DLGAP1: variants seen among roughly 807,000 people sequenced by gnomAD.
The protein encoded by DLGAP1 is DLG associated protein 1.
In DLGAP1, 11 loss-of-function variants were observed where a neutral mutation model predicts 90.8. That is an observed-to-expected ratio of 0.12 (90% confidence interval 0.08 to 0.20). The LOEUF (loss-of-function observed/expected upper bound fraction) is 0.20. Ranked by LOEUF, DLGAP1 falls within the 10% of genes least tolerant of loss-of-function variation. The pLI, the probability that DLGAP1 is intolerant of heterozygous loss-of-function variation, is 1.00. For synonymous variants in DLGAP1, 558 were observed against 540.7 expected, an observed-to-expected ratio of 1.03 and a Z score of -0.44; for missense variants, 1,050 against 1,333.8, an observed-to-expected ratio of 0.79 and a Z score of 3.31.
At chr18:4,171,317 C>A (rs958654815) in intron 1 of DLGAP1, among the ~76,000 whole-genome samples, 2 of 151,996 alleles carry the variant, frequency 1.3e-5, no homozygotes, top group African/African-American at 4.8e-5. Context: ...AGGCAGATCA[C>A]GAGGTCAGGA....
chr18:4,369,999 G>A (rs757174693), intron 1 of DLGAP1, among the ~76,000 whole-genome samples: 7 of 152,052 alleles, frequency 4.6e-5, no homozygotes, highest in Non-Finnish European at 1.0e-4. Flanking sequence ...AGAAGGAGAA[G>A]CAGGGAGCAA....
chr18:3,888,469 C>T (rs748479904), intron 3 of DLGAP1, among the ~76,000 whole-genome samples: 1 of 151,840 alleles, frequency 6.6e-6, no homozygotes, highest in African/African-American at 2.4e-5. Flanking sequence ...AGTTTGATTT[C>T]GTCTGTGAAT....
rs9945305 is a variant in DLGAP1, at chr18:4,019,191, C to A, written c.-158-13990G>T. Among the ~76,000 whole-genome samples, 3 of 152,092 alleles carry A rather than the reference C, an allele frequency of 2.0e-5. No homozygotes were observed. The East Asian group carries it at 5.8e-4, about 29-fold the overall frequency. Reference sequence around the variant, plus strand: ...TGGGCATGCTCATCTTGCAGCCAGCCGTCTAATCACAAAGACATTTTCCCG... The same window carrying A: ...TGGGCATGCTCATCTTGCAGCCAGCAGTCTAATCACAAAGACATTTTCCCG... On this transcript the variant is annotated intron_variant, in intron 2 of 12. Transcript: ENST00000315677.
At chr18:3,500,895 G>A (rs2049893854) in intron 12 of DLGAP1, among the ~76,000 whole-genome samples, 1 of 151,530 alleles carries the variant, frequency 6.6e-6, no homozygotes, top group African/African-American at 2.4e-5. Flanking sequence ...TATACATTTG[G>A]ATTTTTTAAA....
chr18:3,944,414 T>G (rs2072835014), intron 3 of DLGAP1, among the ~76,000 whole-genome samples: 1 of 152,142 alleles, frequency 6.6e-6, no homozygotes, highest in Non-Finnish European at 1.5e-5. Flanking sequence ...GAGAATTGCT[T>G]GAACAGGGAC....
At chr18:3,881,374 C>G (rs978979768) in intron 3 of DLGAP1, among the ~76,000 whole-genome samples, 2 of 152,150 alleles carry the variant, frequency 1.3e-5, no homozygotes, top group South Asian at 2.1e-4. Flanking sequence ...GAGAGGGGCT[C>G]AGTTCCTCTA....
At chr18:4,307,081 A>G (rs2080280467) in intron 1 of DLGAP1, among the ~76,000 whole-genome samples, 1 of 152,214 alleles carries the variant, frequency 6.6e-6, no homozygotes, top group Admixed American at 6.5e-5. Flanking sequence ...TACCTGGGAA[A>G]TTTCAGATTT....
intron 2 of DLGAP1, among the ~76,000 whole-genome samples, chr18:4,006,624 C>T (rs1230574552): frequency 3.3e-5 from 5 of 149,810 alleles, no homozygotes; most frequent in African/African-American, 5.0e-5. Flanking sequence ...AAATTAGTGC[C>T]TCTGTTCCCC....
intron 9 of DLGAP1, among the ~76,000 whole-genome samples, chr18:3,548,716 G>A (rs582020): frequency 0.53 from 79,986 of 152,168 alleles, 25,729 homozygotes; most frequent in Non-Finnish European, 0.68. Flanking sequence ...AACAAGGCAA[G>A]GATGTCCATA....
At chr18:4,169,434 A>G (rs1321568473) in intron 1 of DLGAP1, among the ~76,000 whole-genome samples, 1 of 152,164 alleles carries the variant, frequency 6.6e-6, no homozygotes, top group Admixed American at 6.5e-5. Context: ...ATCTTATGTA[A>G]TAAATGTCCA....
chr18:4,414,300 G>A (rs552075625), intron 1 of DLGAP1, among the ~76,000 whole-genome samples: 2 of 152,214 alleles, frequency 1.3e-5, no homozygotes, highest in East Asian at 1.9e-4. Context: ...AAATTGTTTT[G>A]TTTTACACAT....
In DLGAP1 at chr18:4,106,275, T is replaced by C. The variant is rs371412726; in HGVS notation, c.-159+44905A>G. On this transcript the variant is annotated intron_variant, in intron 2 of 12. Transcript: ENST00000315677. ...GTAGCTCACACAGAAGCCCGGGTTC[T>C]AGTCCTGAGACCTCCAAGGGAAACT... Among the ~76,000 whole-genome samples, 350 of 152,182 alleles carry C rather than the reference T, an allele frequency of 2.3e-3. 3 individuals are homozygous for C. The highest frequency in any genetic ancestry group is 0.021 in the South Asian group (103 of 4,820).
At chr18:4,361,384 G>C (rs2081626969) in intron 1 of DLGAP1, among the ~76,000 whole-genome samples, 1 of 152,074 alleles carries the variant, frequency 6.6e-6, no homozygotes, top group African/African-American at 2.4e-5. Flanking sequence ...TCAAAACATT[G>C]TGGTACTGGC....
chr18:3,812,961 C>G (rs1307808494), intron 5 of DLGAP1, among the ~76,000 whole-genome samples: 1 of 152,102 alleles, frequency 6.6e-6, no homozygotes, highest in Non-Finnish European at 1.5e-5. Context: ...TACGAATTAT[C>G]CGTAATATAT....
At chr18:4,306,459 GTGTGAGA>G (rs1254758203) in intron 1 of DLGAP1, among the ~76,000 whole-genome samples, 4 of 54,124 alleles carry the variant, frequency 7.4e-5, no homozygotes, top group Non-Finnish European at 1.5e-4. Context: ...GTGTGTGTGT[GTGTGAGA>G]GAGAGAGAGA....
chr18:3,580,431 G>A, intron 8 of DLGAP1: 1 of 1,613,476 alleles, frequency 6.2e-7, no homozygotes. Context: ...CTCCTCTGTG[G>A]TTTGTGCTAC....
intron 1 of DLGAP1, among the ~76,000 whole-genome samples, chr18:4,391,893 A>G (rs673714): frequency 0.49 from 75,175 of 152,006 alleles, 21,103 homozygotes; most frequent in East Asian, 0.68. Flanking sequence ...TTGATACCGT[A>G]CCCTCTTTAT....
At chr18:3,608,571 G>A (rs909836683) in intron 7 of DLGAP1, among the ~76,000 whole-genome samples, 4 of 152,190 alleles carry the variant, frequency 2.6e-5, no homozygotes, top group Admixed American at 2.6e-4. Flanking sequence ...TTGGGGCTCA[G>A]AACATAATGC....
chr18:4,166,219 A>G (rs1271703223), intron 1 of DLGAP1, among the ~76,000 whole-genome samples: 1 of 152,212 alleles, frequency 6.6e-6, no homozygotes, highest in Non-Finnish European at 1.5e-5. Context: ...AAGGACTTGA[A>G]TAGACACTAC....
Sources: gnomAD v4.1 joint callset for allele counts (sites outside exome capture counted in the v4.1 genomes callset) on GRCh38, gnomAD v4.1.1 for gene constraint, MANE v1.5 for transcripts, NCBI Gene and HGNC (gene_info 2026-07-23, HGNC 2026-07-21) for gene names.